ZFHX3: variants seen among roughly 807,000 people sequenced by gnomAD.
The protein encoded by ZFHX3 is zinc finger homeobox 3.
A neutral mutation model predicts 279.1 loss-of-function variants in ZFHX3; 42 were observed. The ratio of observed to expected loss-of-function variants is 0.15; its 90% confidence interval spans 0.12 to 0.19. ZFHX3 has a LOEUF of 0.19. Ranked by LOEUF, ZFHX3 falls within the 10% of genes least tolerant of loss-of-function variation. The pLI, the probability that ZFHX3 is intolerant of heterozygous loss-of-function variation, is 1.00. For synonymous variants in ZFHX3, 2,293 were observed against 1,957.8 expected, an observed-to-expected ratio of 1.17 and a Z score of -4.52; for missense variants, 4,981 against 4,754.0, an observed-to-expected ratio of 1.05 and a Z score of -1.40.
At chr16:72,866,977 C>G (rs568391790) in intron 4 of ZFHX3, among the ~76,000 whole-genome samples, 67 of 152,312 alleles carry the variant, frequency 4.4e-4, no homozygotes, top group Non-Finnish European at 9.0e-4. Context: ...AAAATATGAA[C>G]AGTCATTATC....
chr16:73,839,674 C>T (rs1475774323), intron 1 of ZFHX3, among the ~76,000 whole-genome samples: 1 of 152,178 alleles, frequency 6.6e-6, no homozygotes, highest in Non-Finnish European at 1.5e-5. Flanking sequence ...CTCTTCACTT[C>T]CCTAAGTCAA....
intron 4 of ZFHX3, among the ~76,000 whole-genome samples, chr16:73,313,569 C>G (rs1199728554): frequency 6.6e-6 from 1 of 152,146 alleles, no homozygotes; most frequent in Non-Finnish European, 1.5e-5. Context: ...TGCTCAAGGT[C>G]ACACAGCTAA....
At chr16:73,028,326 T>C (rs1964583227) in intron 1 of ZFHX3, among the ~76,000 whole-genome samples, 1 of 152,108 alleles carries the variant, frequency 6.6e-6, no homozygotes, top group Non-Finnish European at 1.5e-5. Context: ...GAAAACACCA[T>C]CCATCAAGGT....
At chr16:72,804,839 G>C (rs982205528) in intron 7 of ZFHX3, among the ~76,000 whole-genome samples, 1 of 152,080 alleles carries the variant, frequency 6.6e-6, no homozygotes, top group Non-Finnish European at 1.5e-5. Context: ...GTGCAGCCAA[G>C]GTCACCCTTT....
At chr16:73,301,725 A>G (rs573226922) in intron 4 of ZFHX3, among the ~76,000 whole-genome samples, 1 of 151,336 alleles carries the variant, frequency 6.6e-6, no homozygotes. Context: ...CTTTCACCTC[A>G]TGATTATATT....
At chr16:72,945,000 G>A (rs1373079947) in intron 3 of ZFHX3, among the ~76,000 whole-genome samples, 2 of 151,966 alleles carry the variant, frequency 1.3e-5, no homozygotes, top group African/African-American at 4.8e-5. Flanking sequence ...GTTCCATTAT[G>A]TGGTGTCTAA....
chr16:73,608,158 T>G (rs1275233190), intron 2 of ZFHX3, among the ~76,000 whole-genome samples: 1 of 152,048 alleles, frequency 6.6e-6, no homozygotes, highest in East Asian at 1.9e-4. Flanking sequence ...CCTCCTAGAC[T>G]GAGGATTAGA....
At chr16:73,741,272 T>C (rs914107959) in intron 1 of ZFHX3, among the ~76,000 whole-genome samples, 12 of 152,160 alleles carry the variant, frequency 7.9e-5, no homozygotes, top group Admixed American at 5.2e-4. Context: ...AAATACAAGC[T>C]TTAAAGAAAA....
intron 7 of ZFHX3, among the ~76,000 whole-genome samples, chr16:73,110,749 A>C (rs1249749805): frequency 6.6e-6 from 1 of 152,024 alleles, no homozygotes; most frequent in East Asian, 1.9e-4. Flanking sequence ...TTTTTTGTAG[A>C]GATAGGGTCT....
At chr16:73,795,651 C>T (rs911826463) in intron 1 of ZFHX3, among the ~76,000 whole-genome samples, 12 of 152,322 alleles carry the variant, frequency 7.9e-5, no homozygotes, top group African/African-American at 2.4e-4. Flanking sequence ...TGAAGAACAA[C>T]GACTGTGGCC....
At chr16:73,869,846 G>A (rs866032925) in intron 1 of ZFHX3, among the ~76,000 whole-genome samples, 3 of 152,190 alleles carry the variant, frequency 2.0e-5, no homozygotes, top group Non-Finnish European at 4.4e-5. Context: ...TCCTGCTTTA[G>A]CAAGTTTTTT....
At position 73,443,385 on chromosome 16, in the gene ZFHX3, A is replaced by G. The variant is rs2018129464; in HGVS notation, c.-1291+12618T>C. 3.9e-5 allele frequency among the ~76,000 whole-genome samples: 6 copies of G among 152,358 alleles called. No individual in the cohort carries two copies. In the South Asian group the frequency reaches 1.2e-3, roughly 32 times the overall value. On this transcript the variant is annotated intron_variant, in intron 3 of 17. Transcript: ENST00000641206. ...AGAATAATCAGAGTTCCCGGACATG[A>G]TAACGATGTACAACTTATTGCCTAG...
At chr16:73,631,103 C>G (rs2052464413) in intron 2 of ZFHX3, among the ~76,000 whole-genome samples, 1 of 152,086 alleles carries the variant, frequency 6.6e-6, no homozygotes. Context: ...TGGGCCATTA[C>G]CAGTAAGAGT....
chr16:73,503,999 G>T (rs1209181606), intron 2 of ZFHX3, among the ~76,000 whole-genome samples: 1 of 152,180 alleles, frequency 6.6e-6, no homozygotes, highest in African/African-American at 2.4e-5. Flanking sequence ...AGGTGGAAAA[G>T]GGGCATAAAT....
chr16:73,193,927 G>A (rs555282346), intron 5 of ZFHX3, among the ~76,000 whole-genome samples: 16 of 152,294 alleles, frequency 1.1e-4, no homozygotes, highest in African/African-American at 3.4e-4. Context: ...CAGTATAATC[G>A]TCATGAGTCA....
intron 2 of ZFHX3, among the ~76,000 whole-genome samples, chr16:73,507,133 C>T (rs943037980): frequency 7.2e-5 from 11 of 152,126 alleles, no homozygotes; most frequent in African/African-American, 2.7e-4. Context: ...TAATGGCTGC[C>T]TATATAGCTT....
In ZFHX3 at chr16:72,875,625, A is replaced by C. The variant is rs552224437; in HGVS notation, c.3448+14106T>G. On this transcript the variant is annotated intron_variant, in intron 4 of 9. Transcript: ENST00000268489. Reference sequence around the variant, plus strand: ...CATTCCGCCCATAAAAATGCTGTGGAAAGTACTGTAAACGCTAATGCAGCC... The same window carrying C: ...CATTCCGCCCATAAAAATGCTGTGGCAAGTACTGTAAACGCTAATGCAGCC... Among the ~76,000 whole-genome samples the C allele has an allele frequency of 5.4e-4, 83 of 152,356 alleles. 2 individuals are homozygous for C. The South Asian group carries it at 0.017, about 30-fold the overall frequency.
At position 72,795,399 on chromosome 16, in the gene ZFHX3, T is replaced by TC; in HGVS notation, c.7282dup (p.Glu2428GlyfsTer106). 1 of 1,614,132 alleles carries TC rather than the reference T, an allele frequency of 6.2e-7. No homozygotes were observed. The highest frequency in any genetic ancestry group is 8.5e-7 in the Non-Finnish European group (1 of 1,180,032). On this transcript the variant is annotated frameshift_variant, in exon 9 of 10. Transcript: ENST00000268489. LOFTEE classifies it high-confidence loss of function. ...GGGAGCTTCCGCCAGCTTTGGTTTCTCATCGCCTGCCTCTGTTTTTGAATT... is the reference window on the plus strand; with the variant it reads ...GGGAGCTTCCGCCAGCTTTGGTTTCTCCATCGCCTGCCTCTGTTTTTGAATT...
chr16:73,617,684 A>T (rs1289793519), intron 2 of ZFHX3, among the ~76,000 whole-genome samples: 1 of 147,682 alleles, frequency 6.8e-6, no homozygotes, highest in African/African-American at 2.6e-5. Flanking sequence ...GACTGTGTTT[A>T]CAGGAGAAAA....
Sources: gnomAD v4.1 joint callset for allele counts (sites outside exome capture counted in the v4.1 genomes callset) on GRCh38, gnomAD v4.1.1 for gene constraint, MANE v1.5 for transcripts, NCBI Gene and HGNC (gene_info 2026-07-23, HGNC 2026-07-21) for gene names.